The following RYR2 variants were observed in gnomAD, a reference collection of about 807,000 sequenced individuals.
RYR2 encodes ryanodine receptor 2, also known as cardiac muscle ryanodine receptor-calcium release channel.
RYR2 carries 227 observed loss-of-function variants against 601.1 expected under a neutral mutation model. That is an observed-to-expected ratio of 0.38 (90% CI 0.34 to 0.42). The LOEUF (loss-of-function observed/expected upper bound fraction) is 0.42, where lower values mean the gene tolerates loss of function less well. Ranked by LOEUF, RYR2 falls within the 10% of genes least tolerant of loss-of-function variation. RYR2 has a pLI of 1.00. For missense variants in RYR2, 4,646 were observed against 6,156.5 expected, an observed-to-expected ratio of 0.75 and a Z score of 8.21; for synonymous variants, 2,223 against 2,175.1, an observed-to-expected ratio of 1.02 and a Z score of -0.61.
chr1:237,197,227 G>A (rs926018179), intron 1 of RYR2, among the ~76,000 whole-genome samples: 30 of 151,920 alleles, frequency 2.0e-4, no homozygotes, highest in Non-Finnish European at 4.4e-5. Context: ...TTTTATTGTC[G>A]TTTCATTGCA....
intron 6 of RYR2, among the ~76,000 whole-genome samples, chr1:237,370,430 A>G (rs1364260002): frequency 1.3e-5 from 2 of 152,138 alleles, no homozygotes; most frequent in South Asian, 2.1e-4. Flanking sequence ...TCGAAAGAAA[A>G]AAATATTTTC....
At chr1:237,598,858 G>A (rs1051852931) in intron 34 of RYR2, among the ~76,000 whole-genome samples, 1 of 152,152 alleles carries the variant, frequency 6.6e-6, no homozygotes, top group East Asian at 1.9e-4. Flanking sequence ...GATACGAAGA[G>A]TTGGTTTTTT....
At chr1:237,466,821 T>C (rs182643577) in intron 16 of RYR2, among the ~76,000 whole-genome samples, 108 of 151,878 alleles carry the variant, frequency 7.1e-4, no homozygotes, top group African/African-American at 2.5e-3. Context: ...ATTTATTAGA[T>C]ATTTTATATT....
chr1:237,679,739 TTATC>T, intron 61 of RYR2, among the ~76,000 whole-genome samples: 1 of 152,294 alleles, frequency 6.6e-6, no homozygotes, highest in East Asian at 1.9e-4. Context: ...ATGTGGGACT[TTATC>T]TAGTTGAGAT....
chr1:237,508,820 G>A (rs903576817), intron 23 of RYR2, among the ~76,000 whole-genome samples: 8 of 133,030 alleles, frequency 6.0e-5, no homozygotes, highest in Non-Finnish European at 1.1e-4. Flanking sequence ...TCGGCTCACT[G>A]CAAGCTCCGC....
chr1:237,492,922 G>GAGGA lies in RYR2; in HGVS notation c.1828-31_1828-28dup, dbSNP rs778199936. 1.0e-5 allele frequency: 15 copies of GAGGA among 1,493,386 alleles called. No individual in the cohort carries two copies. The Admixed American group carries it at 1.6e-4, about 16-fold the overall frequency. 92.5% of individuals were successfully genotyped at this position (1,493,386 alleles called of 1,614,324 possible). The stretch of plus-strand genomic sequence containing the variant: ...GAGGGAGGGAAAGCAGGGAGGGAGG[G>GAGGA]AGGATCAGCTGAAAGTAATTTCTCT... On this transcript the variant is annotated intron_variant, in intron 18 of 104. Transcript: ENST00000366574.
chr1:237,594,901 T>TTTTGTTTTTTTTG (rs1675677249), intron 33 of RYR2, among the ~76,000 whole-genome samples: 3 of 20,256 alleles, frequency 1.5e-4, no homozygotes, highest in African/African-American at 2.8e-4. Flanking sequence ...TTTTTTTTTT[T>TTTTGTTTTTTTTG]TTTTTTTTTT....
At chr1:237,133,326 T>C (rs1672359673) in intron 1 of RYR2, among the ~76,000 whole-genome samples, 1 of 152,178 alleles carries the variant, frequency 6.6e-6, no homozygotes, top group Non-Finnish European at 1.5e-5. Flanking sequence ...TTGAATGTGA[T>C]AATCTGTGTG....
chr1:237,163,645 G>A (rs1676297387), intron 1 of RYR2, among the ~76,000 whole-genome samples: 2 of 152,154 alleles, frequency 1.3e-5, no homozygotes, highest in African/African-American at 4.8e-5. Context: ...GTAGTTAATG[G>A]GTGGTGGGAA....
intron 1 of RYR2, among the ~76,000 whole-genome samples, chr1:237,072,459 TG>T (rs1168464088): frequency 6.6e-6 from 1 of 152,058 alleles, no homozygotes; most frequent in East Asian, 1.9e-4. Flanking sequence ...CAAGGAGACA[TG>T]AGCTGGTCTG....
At chr1:237,537,884 G>T (rs1177720236) in intron 25 of RYR2, among the ~76,000 whole-genome samples, 2 of 152,162 alleles carry the variant, frequency 1.3e-5, no homozygotes, top group African/African-American at 4.8e-5. Flanking sequence ...CAAATTCAGA[G>T]TAATAATTCT....
intron 5 of RYR2, among the ~76,000 whole-genome samples, chr1:237,368,882 G>A (rs1700418458): frequency 6.6e-6 from 1 of 151,740 alleles, no homozygotes. Context: ...GGAGTGCAAT[G>A]GTGCAATCTC....
At chr1:237,366,708 ACT>A (rs1700229204) in intron 5 of RYR2, among the ~76,000 whole-genome samples, 1 of 80,136 alleles carries the variant, frequency 1.2e-5, no homozygotes, top group Non-Finnish European at 3.0e-5. Context: ...ACACACACAC[ACT>A]GTATATATAT....
intron 1 of RYR2, among the ~76,000 whole-genome samples, chr1:237,073,048 C>G (rs559097627): frequency 6.6e-6 from 1 of 152,026 alleles, no homozygotes; most frequent in East Asian, 1.9e-4. Flanking sequence ...TTCGCCCCAC[C>G]GCACGCTGAA....
chr1:237,634,988 A>G lies in RYR2; in HGVS notation c.6788A>G (p.Glu2263Gly). 6.3e-7 allele frequency: 1 copy of G among 1,587,172 alleles called. No homozygotes were observed. The stretch of plus-strand genomic sequence containing the variant: ...TTAGCTCTGCGTGAGCCGGATCTAG[A>G]AAAGGTGAGCAATGTTCCTGCCCTG... ...LALALREPDL[E>G]KVVRYLAGCG... Residue 2263 changes from glutamate to glycine, a missense_variant, in exon 44 of 105, where the codon GAA becomes GGA. Physicochemically the swap from Glu to Gly is moderately conservative, Grantham distance 98. Around this residue, in one of 17 missense-constraint regions of RYR2, gnomAD observed 137 missense variants for 273.6 expected, o/e 0.50. Transcript: ENST00000366574.
intron 1 of RYR2, among the ~76,000 whole-genome samples, chr1:237,188,333 T>C (rs935505551): frequency 1.4e-4 from 22 of 152,018 alleles, no homozygotes; most frequent in Non-Finnish European, 2.2e-4. Flanking sequence ...CTGGTGTAGA[T>C]GACTGTTTAA....
chr1:237,044,111 A>G (rs555833009), intron 1 of RYR2, among the ~76,000 whole-genome samples: 13 of 152,122 alleles, frequency 8.5e-5, no homozygotes, highest in Non-Finnish European at 1.6e-4. Context: ...GAGCCTCTTC[A>G]CTAATACCTT....
At chr1:237,660,131 T>G (rs1683634287) in intron 55 of RYR2, 57 bp downstream of exon 55, 5 of 1,013,048 alleles carry the variant, frequency 4.9e-6, no homozygotes, top group African/African-American at 1.7e-5. Context: ...GAAAAATGTG[T>G]TTTTTGGTTA....
intron 22 of RYR2, among the ~76,000 whole-genome samples, chr1:237,504,762 T>C (rs1445716542): frequency 6.6e-6 from 1 of 152,112 alleles, no homozygotes; most frequent in African/African-American, 2.4e-5. Flanking sequence ...TAGAGTGTAG[T>C]TCTTAAGCCC....
Sources: gnomAD v4.1 joint callset for allele counts (sites outside exome capture counted in the v4.1 genomes callset) on GRCh38, gnomAD v4.1.1 for gene constraint, gnomAD v4.1.1 regional missense constraint, MANE v1.5 for transcripts, NCBI Gene and HGNC (gene_info 2026-07-23, HGNC 2026-07-21) for gene names.